Variants in FRMD4A observed in about 807,000 individuals in gnomAD.
FRMD4A encodes the protein FERM domain-containing protein 4A.
In FRMD4A, 29 loss-of-function variants were observed where a neutral mutation model predicts 129.1. That is an observed-to-expected ratio of 0.22 (90% CI 0.17 to 0.31). The LOEUF (loss-of-function observed/expected upper bound fraction) is 0.31, where lower values mean the gene tolerates loss of function less well. FRMD4A is among the 10% of genes least tolerant of loss of function. The probability of loss-of-function intolerance (pLI) is 1.00; values close to 1 mark genes in which losing one functional copy is unlikely to be tolerated. For missense variants in FRMD4A, 1,272 were observed against 1,375.8 expected, an observed-to-expected ratio of 0.92 and a Z score of 1.19; for synonymous variants, 634 against 571.6, an observed-to-expected ratio of 1.11 and a Z score of -1.56.
chr10:13,975,650 T>C (rs1437656671), intron 2 of FRMD4A, among the ~76,000 whole-genome samples: 1 of 152,062 alleles, frequency 6.6e-6, no homozygotes, highest in African/African-American at 2.4e-5. Context: ...TGAATCTCTA[T>C]GTGTGTTTGT....
At chr10:14,026,304 C>A (rs900552953) in intron 2 of FRMD4A, among the ~76,000 whole-genome samples, 2 of 152,148 alleles carry the variant, frequency 1.3e-5, no homozygotes, top group Non-Finnish European at 2.9e-5. Context: ...AGACTTAATT[C>A]AACATTTCAC....
At chr10:13,709,915 G>A (rs965567666) in intron 12 of FRMD4A, among the ~76,000 whole-genome samples, 4 of 152,046 alleles carry the variant, frequency 2.6e-5, no homozygotes, top group Non-Finnish European at 5.9e-5. Context: ...GGTTTTTGGG[G>A]AACAGGCGGT....
chr10:13,713,479 ACTTC>A (rs754882239), intron 12 of FRMD4A, among the ~76,000 whole-genome samples: 3 of 152,150 alleles, frequency 2.0e-5, no homozygotes, highest in Non-Finnish European at 4.4e-5. Context: ...TGAAAAACTC[ACTTC>A]CTTATTTCAT....
At chr10:14,295,201 T>A (rs182042219) in intron 2 of FRMD4A, among the ~76,000 whole-genome samples, 1 of 152,230 alleles carries the variant, frequency 6.6e-6, no homozygotes, top group Non-Finnish European at 1.5e-5. Flanking sequence ...AGCCCCTTAG[T>A]ATGGCATCAG....
chr10:14,211,479 G>A (rs1842931966), intron 2 of FRMD4A, among the ~76,000 whole-genome samples: 1 of 152,190 alleles, frequency 6.6e-6, no homozygotes, highest in African/African-American at 2.4e-5. Flanking sequence ...AGAAGACAGA[G>A]GTTCAGGTAT....
At chr10:14,174,932 C>T (rs948971977) in intron 2 of FRMD4A, among the ~76,000 whole-genome samples, 5 of 149,498 alleles carry the variant, frequency 3.3e-5, no homozygotes, top group Non-Finnish European at 7.4e-5. Flanking sequence ...CGCGCGCGTA[C>T]GGGCACACTG....
At chr10:13,924,406 G>A (rs1472844188) in intron 2 of FRMD4A, among the ~76,000 whole-genome samples, 4 of 98,902 alleles carry the variant, frequency 4.0e-5, no homozygotes, top group Admixed American at 2.4e-4. Context: ...TTTTCTTCTC[G>A]TTCCTTTTTT....
At chr10:13,832,562 T>G (rs2093807356) in intron 3 of FRMD4A, among the ~76,000 whole-genome samples, 1 of 152,218 alleles carries the variant, frequency 6.6e-6, no homozygotes, top group Non-Finnish European at 1.5e-5. Context: ...TTTTTCTTTT[T>G]CTTTATTTAG....
intron 2 of FRMD4A, among the ~76,000 whole-genome samples, chr10:14,039,724 C>G (rs953363888): frequency 8.5e-5 from 13 of 152,066 alleles, no homozygotes; most frequent in Admixed American, 8.5e-4. Context: ...ACCTGTGAAC[C>G]CTCTTCCTCA....
intron 2 of FRMD4A, among the ~76,000 whole-genome samples, chr10:13,995,095 T>C (rs2095617803): frequency 6.6e-6 from 1 of 152,230 alleles, no homozygotes; most frequent in Non-Finnish European, 1.5e-5. Flanking sequence ...AGAAGTTTTC[T>C]TGTACTGCAT....
At chr10:14,227,243 C>CTTTTTTTTTTTTTTTTT (rs10674411) in intron 2 of FRMD4A, among the ~76,000 whole-genome samples, 1 of 64,130 alleles carries the variant, frequency 1.6e-5, no homozygotes, top group Non-Finnish European at 2.7e-5. Flanking sequence ...TCTTCTTCTT[C>CTTTTTTTTTTTTTTTTT]TTTTTTTTTT....
chr10:13,887,432 G>C (rs1376901466), intron 2 of FRMD4A, among the ~76,000 whole-genome samples: 3 of 152,190 alleles, frequency 2.0e-5, no homozygotes, highest in Non-Finnish European at 4.4e-5. Flanking sequence ...TGTAATCCCA[G>C]CACTTTGGGA....
rs573458210 is a variant in FRMD4A, at chr10:14,137,503, C to T, written c.45+192555G>A. ...TGAATTTTGCCTTCTGACTTGAATG[C>T]TATCAGCACATACTGATTTCAACAT... is the stretch of plus-strand genomic sequence containing the variant. On this transcript the variant is annotated intron_variant, in intron 2 of 24. Coordinates refer to ENST00000357447, the MANE Select transcript of FRMD4A (RefSeq NM_018027.5). Among the ~76,000 whole-genome samples, 19 of 152,296 alleles carry T rather than the reference C, an allele frequency of 1.2e-4. No homozygotes were observed. The East Asian group carries it at 2.9e-3, about 23-fold the overall frequency.
At chr10:14,191,805 T>TTC (rs71388163) in intron 2 of FRMD4A, among the ~76,000 whole-genome samples, 1,754 of 140,894 alleles carry the variant, frequency 0.012, 29 homozygotes, top group African/African-American at 0.041. Context: ...TTTTTTTTTT[T>TTC]TCTCTCTCTC....
At position 13,666,280 on chromosome 10, in the gene FRMD4A, G is replaced by C; in HGVS notation, c.1420C>G (p.Gln474Glu). 6.2e-7 allele frequency: 1 copy of C among 1,614,110 alleles called. No homozygotes were observed. Among genetic ancestry groups the C allele is most frequent in the African/African-American group, 1.3e-5 (1 of 75,024 alleles). Residue 474 changes from glutamine (Q) to glutamate (E), a missense_variant, in exon 18 of 25, where the codon CAG (glutamine) becomes GAG (glutamate). Transcript: ENST00000357447. ...AGGCGGCGGGCGGCCTCCGTAATCT[G>C]GGACTGAATGGCAAACTCTCGTTCC... ...RLEREFAIQSQITEAARRLAS... is the reference protein window; with the variant it reads ...RLEREFAIQSEITEAARRLAS...
At chr10:13,848,190 T>C (rs1436967706) in intron 3 of FRMD4A, among the ~76,000 whole-genome samples, 1 of 152,158 alleles carries the variant, frequency 6.6e-6, no homozygotes, top group African/African-American at 2.4e-5. Context: ...GAGTCTCCTA[T>C]GGGGCACCAT....
At chr10:14,268,301 GTCTC>G (rs1845047938) in intron 2 of FRMD4A, among the ~76,000 whole-genome samples, 2 of 152,292 alleles carry the variant, frequency 1.3e-5, no homozygotes, top group South Asian at 4.1e-4. Context: ...GCAAAAGGCA[GTCTC>G]TCTCAACATG....
intron 12 of FRMD4A, among the ~76,000 whole-genome samples, chr10:13,708,528 C>T (rs1589478614): frequency 6.6e-6 from 1 of 152,194 alleles, no homozygotes; most frequent in Admixed American, 6.5e-5. Context: ...CTTTTGTCCC[C>T]GGCTCAGAGT....
chr10:13,898,979 T>C (rs1462958224), intron 2 of FRMD4A, among the ~76,000 whole-genome samples: 1 of 152,092 alleles, frequency 6.6e-6, no homozygotes, highest in Non-Finnish European at 1.5e-5. Flanking sequence ...GGCTAGGAAT[T>C]TGAGACCAGC....
Sources: allele counts gnomAD v4.1 joint callset (sites outside exome capture counted in the v4.1 genomes callset), GRCh38; gene constraint gnomAD v4.1.1; transcripts MANE v1.5; gene names NCBI Gene and HGNC (gene_info 2026-07-23, HGNC 2026-07-21).